ARHGEF7: variants seen among roughly 807,000 people sequenced by gnomAD.
ARHGEF7 encodes the protein PAK-interacting exchange factor beta.
In ARHGEF7, 33 loss-of-function variants were observed where a neutral mutation model predicts 109.8. The observed-to-expected ratio is 0.30, with a 90% confidence interval of 0.23 to 0.40. ARHGEF7 has a LOEUF of 0.40. ARHGEF7 is among the 10% of genes least tolerant of loss of function. The pLI, the probability that ARHGEF7 is intolerant of heterozygous loss-of-function variation, is 1.00. For synonymous variants in ARHGEF7, 458 were observed against 424.6 expected (o/e 1.08, Z -0.97); for missense variants, 938 against 1,098.5 (o/e 0.85, Z 2.07).
At chr13:111,183,665 C>A (rs893353025) in intron 2 of ARHGEF7, among the ~76,000 whole-genome samples, 1 of 152,170 alleles carries the variant, frequency 6.6e-6, no homozygotes, top group East Asian at 1.9e-4. Context: ...TAATCCATTT[C>A]TTCTCTTCCC....
At position 111,279,211 on chromosome 13, in the gene ARHGEF7, A is replaced by G. The variant is rs141397054; in HGVS notation, c.1507-1061A>G. Among the ~76,000 whole-genome samples, 1,489 of 152,320 alleles carry G rather than the reference A, an allele frequency of 9.8e-3. 20 individuals carry two copies. The highest frequency in any genetic ancestry group is 0.033 in the African/African-American group (1,373 of 41,572). ...TCACAGTGTGTAGCATTTTTTAAAT[A>G]CGCTTGGCCACAGAAGTGTCCAGCA... On this transcript the variant is annotated intron_variant, in intron 13 of 21. Coordinates refer to ENST00000646102, the MANE Select transcript of ARHGEF7 (RefSeq NM_001354046.2).
chr13:111,298,097 G>T (rs148971231), intron 19 of ARHGEF7, among the ~76,000 whole-genome samples: 1 of 152,248 alleles, frequency 6.6e-6, no homozygotes, highest in Non-Finnish European at 1.5e-5. Flanking sequence ...TAAAATGTGC[G>T]ATGTTATCAG....
intron 4 of ARHGEF7, among the ~76,000 whole-genome samples, chr13:111,212,657 C>G (rs2082640811): frequency 6.6e-6 from 1 of 152,164 alleles, no homozygotes; most frequent in African/African-American, 2.4e-5. Context: ...TGGCACAGTC[C>G]TGATGCTGGC....
At chr13:111,224,425 A>C (rs1303982159) in intron 5 of ARHGEF7, among the ~76,000 whole-genome samples, 3 of 152,252 alleles carry the variant, frequency 2.0e-5, no homozygotes. Context: ...CTGTGTGTGC[A>C]TGTGGACTCA....
chr13:111,290,025 C>T (rs1161899755), intron 18 of ARHGEF7, among the ~76,000 whole-genome samples: 1 of 152,282 alleles, frequency 6.6e-6, no homozygotes, highest in East Asian at 1.9e-4. Context: ...ACAATAACGT[C>T]TAAGTACAAA....
chr13:111,130,527 G>A lies in ARHGEF7; in HGVS notation c.165+14836G>A, dbSNP rs547363005. Among the ~76,000 whole-genome samples the A allele has an allele frequency of 3.3e-5, 5 of 152,266 alleles. No homozygotes were observed. The South Asian group carries it at 1.0e-3, about 32-fold the overall frequency. On this transcript the variant is annotated intron_variant, in intron 1 of 21. Coordinates refer to ENST00000646102, the MANE Select transcript of ARHGEF7 (RefSeq NM_001354046.2). ...AATTGTGTACTTATGTTTTATTAGG[G>A]GAAGTGATTTATTGACAGTTCATTT...
chr13:111,288,128 C>T (rs1212427837), intron 17 of ARHGEF7, among the ~76,000 whole-genome samples: 2 of 151,982 alleles, frequency 1.3e-5, no homozygotes, highest in African/African-American at 2.4e-5. Context: ...TTAGGATGTT[C>T]GCCGTTTTTC....
intron 2 of ARHGEF7, among the ~76,000 whole-genome samples, chr13:111,180,805 A>G (rs981443127): frequency 1.3e-5 from 2 of 152,238 alleles, no homozygotes; most frequent in African/African-American, 4.8e-5. Flanking sequence ...GGGGAACTAT[A>G]TACTGTAGTG....
intron 18 of ARHGEF7, among the ~76,000 whole-genome samples, chr13:111,289,886 G>GT (rs1173602225): frequency 4.6e-5 from 7 of 152,034 alleles, no homozygotes; most frequent in East Asian, 1.9e-4. Flanking sequence ...AACACTGTTG[G>GT]TTTTTTTGTC....
chr13:111,117,163 C>G (rs1345902568), intron 1 of ARHGEF7, among the ~76,000 whole-genome samples: 1 of 152,186 alleles, frequency 6.6e-6, no homozygotes, highest in Non-Finnish European at 1.5e-5. Context: ...AAGAGCAAAG[C>G]TTTAAGAAGT....
chr13:111,262,282 A>T (rs1318201548), intron 8 of ARHGEF7, among the ~76,000 whole-genome samples: 1 of 152,220 alleles, frequency 6.6e-6, no homozygotes, highest in Admixed American at 6.5e-5. Flanking sequence ...AGAAATTCAG[A>T]CTCACTAGAG....
chr13:111,145,724 C>A lies in ARHGEF7; in HGVS notation c.166-8181C>A, dbSNP rs1311584847. On this transcript the variant is annotated intron_variant, in intron 1 of 21. Coordinates refer to ENST00000646102, the MANE Select transcript of ARHGEF7 (RefSeq NM_001354046.2). The surrounding 1 kb of genome is among the most constrained non-coding windows in gnomAD (Gnocchi z 4.3). ...GCTTCCTGCCAGGGCCTCCTATTGG[C>A]TCAACCCCACCAGAAGCCAGAGAGC... Among the ~76,000 whole-genome samples the A allele has an allele frequency of 1.3e-5, 2 of 152,234 alleles. No individual in the cohort carries two copies. Among genetic ancestry groups the A allele is most frequent in the African/African-American group, 4.8e-5 (2 of 41,452 alleles).
chr13:111,180,518 C>T (rs531886750), intron 2 of ARHGEF7, among the ~76,000 whole-genome samples: 2 of 152,340 alleles, frequency 1.3e-5, no homozygotes, highest in Admixed American at 1.3e-4. Context: ...GTAACAGCTG[C>T]TGCTTCCAGA....
intron 6 of ARHGEF7, 29 bp downstream of exon 6, chr13:111,233,322 A>C (rs1352822197): frequency 6.3e-7 from 1 of 1,582,152 alleles, no homozygotes; most frequent in Admixed American, 1.7e-5. Context: ...TTTTTAAACT[A>C]ACTGGTTTTT....
At chr13:111,280,152 G>T in intron 13 of ARHGEF7, 120 bp from the exon 14 acceptor site, 1 of 1,016,704 alleles carries the variant, frequency 9.8e-7, no homozygotes, top group Non-Finnish European at 1.4e-6. Context: ...AGCTTTTTTT[G>T]GTTCACAAAC....
intron 4 of ARHGEF7, among the ~76,000 whole-genome samples, chr13:111,217,191 T>C (rs1939699869): frequency 6.6e-6 from 1 of 152,244 alleles, no homozygotes; most frequent in Admixed American, 6.5e-5. Flanking sequence ...CATACAAATA[T>C]TTTTAATGCA....
intron 2 of ARHGEF7, among the ~76,000 whole-genome samples, chr13:111,191,889 T>C (rs1242770886): frequency 2.6e-5 from 4 of 152,168 alleles, no homozygotes; most frequent in Non-Finnish European, 1.5e-5. Context: ...ATTTTCGTCC[T>C]AGCAGGAGCT....
intron 8 of ARHGEF7, among the ~76,000 whole-genome samples, chr13:111,260,404 A>G (rs2090963062): frequency 6.6e-6 from 1 of 152,254 alleles, no homozygotes; most frequent in Admixed American, 6.5e-5. Context: ...GCTCCAGTAC[A>G]TCTGGCAGCA....
At chr13:111,142,005 T>C (rs1376866822) in intron 1 of ARHGEF7, among the ~76,000 whole-genome samples, 2 of 152,264 alleles carry the variant, frequency 1.3e-5, no homozygotes, top group Non-Finnish European at 2.9e-5. Context: ...GACAGTTTTG[T>C]GGATTTTGGC....
Sources: gnomAD v4.1 joint callset for allele counts (sites outside exome capture counted in the v4.1 genomes callset) on GRCh38, gnomAD v4.1.1 for gene constraint, Gnocchi (gnomAD v3.1) non-coding constraint, MANE v1.5 for transcripts, NCBI Gene and HGNC (gene_info 2026-07-23, HGNC 2026-07-21) for gene names.